Variants in MYBBP1A observed in about 807,000 individuals in gnomAD.
The protein encoded by MYBBP1A is MYB binding protein 1a.
MYBBP1A carries 147 observed loss-of-function variants against 136.3 expected under a neutral mutation model. The observed-to-expected ratio is 1.08, with a 90% CI of 0.94 to 1.24. The LOEUF (loss-of-function observed/expected upper bound fraction) is 1.24. Among genes scored for constraint, MYBBP1A ranks in the 50% most tolerant of loss-of-function variants. The pLI is 0.00. For synonymous variants in MYBBP1A, 947 were observed against 735.8 expected (o/e 1.29, Z -4.65); for missense variants, 2,060 against 1,727.4 (o/e 1.19, Z -3.41).
rs759116302 is a variant in MYBBP1A at position 4,539,439 on chromosome 17, C to T, written c.3963G>A (p.Gln1321=). ...CTCAGGGCTTCCCTGCCTTCCTCACCTGTGCTTTCTTCTTGGCCCCACTCT... is the reference window on the plus strand; with the variant it reads ...CTCAGGGCTTCCCTGCCTTCCTCACTTGTGCTTTCTTCTTGGCCCCACTCT... ...LLQSGAKKKA[Q]VRKAGKP Residue 1321 remains glutamine, a synonymous_variant, in exon 26 of 26, where the codon CAG becomes CAA. Coordinates refer to ENST00000254718, the MANE Select transcript of MYBBP1A (RefSeq NM_014520.4). 4 of 1,613,542 alleles carry T rather than the reference C, an allele frequency of 2.5e-6. No individual in the cohort carries two copies. Among genetic ancestry groups the T allele is most frequent in the South Asian group, 2.2e-5 (2 of 91,066 alleles).
Position 4,548,258 on chromosome 17 carries a change from C to G in MYBBP1A, c.1609G>C (p.Gly537Arg), listed in dbSNP as rs1234642255. ...QFKQAPGQTQGGQPWTYHLVQ... is the reference protein window; with the variant it reads ...QFKQAPGQTQRGQPWTYHLVQ... ...AGGTGGTAGGTCCAGGGCTGCCCAC[C>G]CTGGGTCTGGCCCGGTGCCTGCTTG... The change falls in exon 12 of 26, where the codon GGT (glycine) becomes CGT (arginine). Residue 537 changes from glycine (G) to arginine (R), a missense_variant. Gly to Arg is a moderately radical substitution (Grantham distance 125). Coordinates refer to ENST00000254718, the MANE Select transcript of MYBBP1A (RefSeq NM_014520.4). This position sits in a 1 kb window ranked among gnomAD's most constrained non-coding sequence, Gnocchi z 4.2. 1.9e-6 allele frequency: 3 copies of G among 1,612,338 alleles called. No individual in the cohort carries two copies. The highest frequency in any genetic ancestry group is 2.5e-6 in the Non-Finnish European group (3 of 1,180,012).
Position 4,544,878 on chromosome 17 carries a change from G to A in MYBBP1A, c.2354C>T (p.Ala785Val), listed in dbSNP as rs560707926. Residue 785 changes from alanine to valine, a missense_variant, in exon 18 of 26, where the codon GCC (alanine) becomes GTC (valine). Physicochemically the swap from Ala to Val is moderately conservative, Grantham distance 64. Transcript: ENST00000254718. ...GAGGCTCTGGTCCAGGGCCATCATG[G>A]CCTCATCCCCCAGCTCCTCCTCGTT... ...SENEEELGDE[A>V]MMALDQSLAS... 4.4e-6 allele frequency: 7 copies of A among 1,607,842 alleles called. No homozygotes were observed. Among genetic ancestry groups the A allele is most frequent in the Admixed American group, 3.4e-5 (2 of 59,640 alleles).
At position 4,544,796 on chromosome 17, in the gene MYBBP1A, GTTC is replaced by G. The variant is rs760505948; in HGVS notation, c.2433_2435del (p.Lys811del). 21 of 1,599,368 alleles carry G rather than the reference GTTC, an allele frequency of 1.3e-5. No individual in the cohort carries two copies. Among genetic ancestry groups the G allele is most frequent in the East Asian group, 4.5e-5 (2 of 44,188 alleles). On this transcript the variant is annotated inframe_deletion, in exon 18 of 26. Transcript: ENST00000254718. ...GCAGAGCCTTCTCCTTCTGCAGCTT[GTTC>G]TTCTCGTCTCGCCGGGCCTGGATAC...
chr17:4,547,573 C>A (rs1008902413), intron 13 of MYBBP1A: 119 of 193,136 alleles, frequency 6.2e-4, no homozygotes, highest in African/African-American at 2.4e-3. Context: ...GGGTACTGAG[C>A]CTCGAATGTG....
At position 4,539,173 on chromosome 17, in the gene MYBBP1A, G is replaced by A; in HGVS notation, c.*242C>T. 4.8e-6 allele frequency: 7 copies of A among 1,456,056 alleles called. No individual in the cohort carries two copies. Among genetic ancestry groups the A allele is most frequent in the Non-Finnish European group, 6.3e-6 (7 of 1,113,946 alleles). The allele number at this position is 1,456,056 out of a possible 1,614,324, so 90.2% of individuals were successfully genotyped here. On this transcript the variant is annotated 3_prime_UTR_variant, in exon 26 of 26. Coordinates refer to ENST00000254718, the MANE Select transcript of MYBBP1A (RefSeq NM_014520.4). The stretch of plus-strand genomic sequence containing the variant: ...ACACCAGAGCCCTGGACATGGCCCT[G>A]GAGCCAGGGTCCCAGCCCAGAACCG...
chr17:4,543,631 G>A (rs949851740), intron 19 of MYBBP1A, among the ~76,000 whole-genome samples: 7 of 152,240 alleles, frequency 4.6e-5, no homozygotes, highest in African/African-American at 1.2e-4. Context: ...GGCGTGGCCC[G>A]GGCGGGCCTG....
chr17:4,539,279 G>A lies in MYBBP1A; in HGVS notation c.*136C>T, dbSNP rs1355225504. On this transcript the variant is annotated 3_prime_UTR_variant, in exon 26 of 26. Coordinates refer to ENST00000254718, the MANE Select transcript of MYBBP1A (RefSeq NM_014520.4). Reference sequence around the variant, plus strand: ...TTGCCAGAGCAGGATGCCCGGGCAGGCGGCAACAGCCACCCTCCCCAGTGG... The same window carrying A: ...TTGCCAGAGCAGGATGCCCGGGCAGACGGCAACAGCCACCCTCCCCAGTGG... 2 of 1,492,564 alleles carry A rather than the reference G, an allele frequency of 1.3e-6. No homozygotes were observed. Among genetic ancestry groups the A allele is most frequent in the Non-Finnish European group, 1.8e-6 (2 of 1,132,482 alleles). 92.5% of individuals were successfully genotyped at this position (1,492,564 alleles called of 1,614,324 possible). A position where few individuals can be genotyped will look rare whatever the true frequency, so the allele number is the denominator to read the frequency against.
At position 4,543,887 on chromosome 17, in the gene MYBBP1A, T is replaced by TCC. The variant is rs1264296842; in HGVS notation, c.2639+601_2639+602insGG. Reference sequence around the variant, plus strand: ...GAAAAGGCAAACCAGACTCAGACCCTTCCCCACGCCACTGCTCTTGCTGAT... The same window carrying TCC: ...GAAAAGGCAAACCAGACTCAGACCCTCCTCCCCACGCCACTGCTCTTGCTGAT... On this transcript the variant is annotated intron_variant, in intron 19 of 25. Coordinates refer to ENST00000254718, the MANE Select transcript of MYBBP1A (RefSeq NM_014520.4). 2.8e-3 allele frequency among the ~76,000 whole-genome samples: 358 copies of TCC among 127,296 alleles called. 2 individuals carry two copies. The highest frequency in any genetic ancestry group is 0.01 in the African/African-American group (309 of 30,812). The allele number at this position is 127,296 out of a possible 152,430, so 83.5% of individuals were successfully genotyped here.
Position 4,545,014 on chromosome 17 carries a change from T to A in MYBBP1A, c.2310+12A>T. ...CTCCCCGGCCGCCCCCCCCTCCACC[T>A]CCCCCACTCACCAGCGCCTTCCCAG... On this transcript the variant is annotated intron_variant, in intron 17 of 25. Transcript: ENST00000254718. The A allele has an allele frequency of 1.7e-5, 3 of 178,434 alleles. No homozygotes were observed. The highest frequency in any genetic ancestry group is 2.4e-5 in the Non-Finnish European group (3 of 123,124). The allele number at this position is 178,434 out of a possible 1,614,324, so 11.1% of individuals were successfully genotyped here. A position where few individuals can be genotyped will look rare whatever the true frequency, so the allele number is the denominator to read the frequency against.
chr17:4,540,258 G>T, intron 25 of MYBBP1A, 90 bp downstream of exon 25: 1 of 1,468,392 alleles, frequency 6.8e-7, no homozygotes, highest in Non-Finnish European at 9.1e-7. Flanking sequence ...TGCGTGTGCA[G>T]CAGCGTGTGT....
Position 4,539,296 on chromosome 17 carries a change from C to T in MYBBP1A, c.*119G>A, listed in dbSNP as rs950770255. Reference sequence around the variant, plus strand: ...CCGGGCAGGCGGCAACAGCCACCCTCCCCAGTGGCAGCGCCTTAGAAACAG... The same window carrying T: ...CCGGGCAGGCGGCAACAGCCACCCTTCCCAGTGGCAGCGCCTTAGAAACAG... On this transcript the variant is annotated 3_prime_UTR_variant, in exon 26 of 26. Transcript: ENST00000254718. The T allele has an allele frequency of 1.3e-6, 2 of 1,495,786 alleles. No homozygotes were observed. The highest frequency in any genetic ancestry group is 2.8e-5 in the African/African-American group (2 of 71,380). The allele number at this position is 1,495,786 out of a possible 1,614,324, so 92.7% of individuals were successfully genotyped here.
Position 4,539,277 on chromosome 17 carries a change from A to C in MYBBP1A, c.*138T>G. The C allele has an allele frequency of 1.3e-6, 2 of 1,491,546 alleles. No homozygotes were observed. The highest frequency in any genetic ancestry group is 1.8e-6 in the Non-Finnish European group (2 of 1,131,802). 92.4% of individuals were successfully genotyped at this position (1,491,546 alleles called of 1,614,324 possible). A position where few individuals can be genotyped will look rare whatever the true frequency, so the allele number is the denominator to read the frequency against. On this transcript the variant is annotated 3_prime_UTR_variant, in exon 26 of 26. Coordinates refer to ENST00000254718, the MANE Select transcript of MYBBP1A (RefSeq NM_014520.4). ...GCTTGCCAGAGCAGGATGCCCGGGC[A>C]GGCGGCAACAGCCACCCTCCCCAGT...
At chr17:4,542,083 G>A (rs1287335343) in intron 22 of MYBBP1A, 192 bp from the exon 23 acceptor site, 5 of 598,326 alleles carry the variant, frequency 8.4e-6, no homozygotes, top group East Asian at 2.8e-5. Context: ...CCTCCCAGCT[G>A]GATAGAGGTG....
At chr17:4,544,676 G>GGGGGTGGGCGCACAGGGAGGCA (rs1906791660) in intron 18 of MYBBP1A, 30 bp from the exon 19 acceptor site, 1 of 1,468,966 alleles carries the variant, frequency 6.8e-7, no homozygotes, top group Admixed American at 2.0e-5. Context: ...TCAGCAACAC[G>GGGGGTGGGCGCACAGGGAGGCA]GGGGTGGGCG....
At chr17:4,542,004 GCTGCCTGCTGCTCTGGGCTCTGTGA>G in intron 22 of MYBBP1A, 113 bp from the exon 23 acceptor site, 1 of 740,432 alleles carries the variant, frequency 1.4e-6, no homozygotes, top group Non-Finnish European at 2.2e-6. Context: ...AGCGTGTGAG[GCTGCCTGCTGCTCTGGGCTCTGTGA>G]CTACCTGCTC....
chr17:4,544,795 T>C lies in MYBBP1A; in HGVS notation c.2437A>G (p.Lys813Glu). 2 of 1,599,288 alleles carry C rather than the reference T, an allele frequency of 1.3e-6. No homozygotes were observed. The highest frequency in any genetic ancestry group is 1.3e-5 in the African/African-American group (1 of 74,390). ...CGCAGAGCCTTCTCCTTCTGCAGCTTGTTCTTCTCGTCTCGCCGGGCCTGG... is the reference window on the plus strand; with the variant it reads ...CGCAGAGCCTTCTCCTTCTGCAGCTCGTTCTTCTCGTCTCGCCGGGCCTGG... ...RIQARRDEKN[K>E]LQKEKALRRD... The change falls in exon 18 of 26, where the codon AAG becomes GAG. Residue 813 changes from lysine (K) to glutamate (E), a missense_variant. By Grantham distance (56) the Lys-to-Glu change is moderately conservative (BLOSUM62 1). Coordinates refer to ENST00000254718, the MANE Select transcript of MYBBP1A (RefSeq NM_014520.4).
intron 19 of MYBBP1A, among the ~76,000 whole-genome samples, chr17:4,543,852 A>G (rs1311437936): frequency 6.6e-6 from 1 of 151,494 alleles, no homozygotes; most frequent in Non-Finnish European, 1.5e-5. Context: ...CCACGCTGCC[A>G]GCCGTTTCTG....
intron 8 of MYBBP1A, 23 bp downstream of exon 8, chr17:4,551,857 C>G (rs374195214): frequency 2.9e-5 from 47 of 1,597,402 alleles, no homozygotes; most frequent in Non-Finnish European, 4.0e-5. Context: ...CTGGCAGTGT[C>G]GAGCTGCACG....
chr17:4,542,278 T>G lies in MYBBP1A; in HGVS notation c.3087+186A>C, dbSNP rs980531359. 1.1e-5 allele frequency: 7 copies of G among 662,182 alleles called. No individual in the cohort carries two copies. In the Admixed American group the frequency reaches 1.5e-4, roughly 14 times the overall value. 41.0% of individuals were successfully genotyped at this position (662,182 alleles called of 1,614,324 possible). Reference sequence around the variant, plus strand: ...CCTCAGCTCCTGTGTGTTCACTGTGTGGCAGGGGCCAGGGCACGGCCACCC... The same window carrying G: ...CCTCAGCTCCTGTGTGTTCACTGTGGGGCAGGGGCCAGGGCACGGCCACCC... On this transcript the variant is annotated intron_variant, in intron 22 of 25. Coordinates refer to ENST00000254718, the MANE Select transcript of MYBBP1A (RefSeq NM_014520.4).
Sources: allele counts gnomAD v4.1 joint callset (sites outside exome capture counted in the v4.1 genomes callset), GRCh38; gene constraint gnomAD v4.1.1; non-coding constraint Gnocchi (gnomAD v3.1); transcripts MANE v1.5; gene names NCBI Gene and HGNC (gene_info 2026-07-23, HGNC 2026-07-21).